MAST4: variants seen among roughly 807,000 people sequenced by gnomAD.
The protein encoded by MAST4 is microtubule associated serine/threonine kinase family member 4.
In MAST4, 89 loss-of-function variants were observed where a neutral mutation model predicts 162.7. The ratio of observed to expected loss-of-function variants is 0.55; its 90% confidence interval spans 0.46 to 0.65. The LOEUF (loss-of-function observed/expected upper bound fraction) is 0.65, where lower values mean the gene tolerates loss of function less well. MAST4 is among the 30% of genes least tolerant of loss of function. MAST4 has a pLI of 0.00. For missense variants in MAST4, 3,153 were observed against 3,374.0 expected, an observed-to-expected ratio of 0.93 and a Z score of 1.62; for synonymous variants, 1,479 against 1,361.1, an observed-to-expected ratio of 1.09 and a Z score of -1.91.
At chr5:66,781,246 C>A (rs1490210427) in intron 2 of MAST4, among the ~76,000 whole-genome samples, 1 of 152,178 alleles carries the variant, frequency 6.6e-6, no homozygotes, top group Non-Finnish European at 1.5e-5. Context: ...TTACTAGACA[C>A]AGGGAAGGTA....
At chr5:67,136,997 G>T (rs143836313) in intron 19 of MAST4, among the ~76,000 whole-genome samples, 1 of 152,196 alleles carries the variant, frequency 6.6e-6, no homozygotes, top group East Asian at 1.9e-4. Flanking sequence ...CGAAAAGCAT[G>T]CATCTTAAAT....
chr5:67,102,712 A>G (rs967006526), intron 9 of MAST4, 101 bp downstream of exon 9: 3 of 885,318 alleles, frequency 3.4e-6, no homozygotes, highest in East Asian at 2.4e-5. Flanking sequence ...GGTCCAATCT[A>G]GTAATGATTT....
At chr5:67,128,194 C>A (rs1162550430) in intron 14 of MAST4, among the ~76,000 whole-genome samples, 7 of 152,068 alleles carry the variant, frequency 4.6e-5, no homozygotes, top group Non-Finnish European at 1.0e-4. Flanking sequence ...TACTCATGTT[C>A]CTGTTTAAAT....
chr5:67,067,923 G>A (rs1345449545), intron 5 of MAST4, among the ~76,000 whole-genome samples: 1 of 152,056 alleles, frequency 6.6e-6, no homozygotes, highest in Admixed American at 6.6e-5. Flanking sequence ...TGAAGAATCG[G>A]TGTACACACA....
intron 1 of MAST4, among the ~76,000 whole-genome samples, chr5:66,633,178 T>C (rs1744896486): frequency 6.6e-6 from 1 of 152,220 alleles, no homozygotes; most frequent in Non-Finnish European, 1.5e-5. Context: ...CATTGCCCCT[T>C]TGCCCTTGTG....
At chr5:67,146,597 C>CT (rs988605199) in intron 23 of MAST4, among the ~76,000 whole-genome samples, 10 of 151,972 alleles carry the variant, frequency 6.6e-5, no homozygotes, top group East Asian at 1.9e-4. Flanking sequence ...ATAGTGTAAG[C>CT]TTTTTTTTAA....
At chr5:66,741,685 T>G (rs1057260730) in intron 1 of MAST4, among the ~76,000 whole-genome samples, 3 of 152,148 alleles carry the variant, frequency 2.0e-5, no homozygotes, top group African/African-American at 7.2e-5. Flanking sequence ...TAAAGGTGAC[T>G]GTAACCTTTA....
intron 1 of MAST4, among the ~76,000 whole-genome samples, chr5:66,674,619 C>G (rs1429140362): frequency 6.6e-6 from 1 of 152,106 alleles, no homozygotes; most frequent in Non-Finnish European, 1.5e-5. Context: ...GAATTGCATC[C>G]CAGTGTCCTG....
intron 4 of MAST4, among the ~76,000 whole-genome samples, chr5:67,048,193 A>T (rs987537908): frequency 6.6e-6 from 1 of 152,164 alleles, no homozygotes; most frequent in South Asian, 2.1e-4. Flanking sequence ...TAGATCTTTA[A>T]TGTTGCAAAG....
At chr5:67,125,371 TAG>T (rs1464545994) in intron 14 of MAST4, among the ~76,000 whole-genome samples, 4 of 152,040 alleles carry the variant, frequency 2.6e-5, no homozygotes, top group Admixed American at 1.3e-4. Context: ...TCATCTACAT[TAG>T]GTATTTCTCC....
chr5:66,862,459 A>G (rs115881578), intron 3 of MAST4, among the ~76,000 whole-genome samples: 1 of 152,218 alleles, frequency 6.6e-6, no homozygotes, highest in Non-Finnish European at 1.5e-5. Flanking sequence ...CTTATTGTCT[A>G]TGGTAAAATA....
chr5:66,965,846 G>A (rs1185189688), intron 4 of MAST4, among the ~76,000 whole-genome samples: 2 of 152,222 alleles, frequency 1.3e-5, no homozygotes, highest in East Asian at 3.9e-4. Flanking sequence ...AAGATGTTTT[G>A]AATAAGGAAA....
chr5:67,060,359 G>A lies in MAST4; in HGVS notation c.763+5867G>A, dbSNP rs568324578. Among the ~76,000 whole-genome samples, 3 of 152,212 alleles carry A rather than the reference G, an allele frequency of 2.0e-5. No individual in the cohort carries two copies. In the East Asian group the frequency reaches 5.8e-4, roughly 29 times the overall value. On this transcript the variant is annotated intron_variant, in intron 5 of 28. Coordinates refer to ENST00000403625, the MANE Select transcript of MAST4 (RefSeq NM_001164664.2). Reference sequence around the variant, plus strand: ...TTGAAAGTTAATAGTCTGGCAATAAGGTGGAGATAGGGAAAAATAAACAAG... The same window carrying A: ...TTGAAAGTTAATAGTCTGGCAATAAAGTGGAGATAGGGAAAAATAAACAAG...
At chr5:67,089,442 C>T (rs1322771296) in intron 5 of MAST4, among the ~76,000 whole-genome samples, 1 of 152,194 alleles carries the variant, frequency 6.6e-6, no homozygotes, top group East Asian at 1.9e-4. Context: ...GGAAGATGAG[C>T]TCTGCCAGCC....
intron 1 of MAST4, among the ~76,000 whole-genome samples, chr5:66,755,686 A>C (rs1361162912): frequency 6.6e-6 from 1 of 152,242 alleles, no homozygotes; most frequent in Non-Finnish European, 1.5e-5. Flanking sequence ...ATGTATATGC[A>C]TCATAATGTC....
intron 2 of MAST4, 59 bp from the exon 3 acceptor site, chr5:66,788,609 TTG>T: frequency 3.0e-6 from 1 of 338,536 alleles, no homozygotes; most frequent in Non-Finnish European, 5.2e-6. Context: ...CCCACCCCCA[TTG>T]CAATAAGACT....
At chr5:66,701,265 A>G (rs1233168293) in intron 1 of MAST4, among the ~76,000 whole-genome samples, 2 of 152,160 alleles carry the variant, frequency 1.3e-5, no homozygotes, top group Non-Finnish European at 2.9e-5. Context: ...TAAATCATAC[A>G]ACTTGCTTTT....
At chr5:67,049,008 CATATATATATAT>C (rs1309526315) in intron 4 of MAST4, among the ~76,000 whole-genome samples, 88 of 104,476 alleles carry the variant, frequency 8.4e-4, no homozygotes, top group African/African-American at 2.7e-3. Flanking sequence ...TATACACACA[CATATATATATAT>C]ACGTATATAT....
At chr5:66,710,124 G>T (rs749093512) in intron 1 of MAST4, among the ~76,000 whole-genome samples, 2 of 152,176 alleles carry the variant, frequency 1.3e-5, no homozygotes, top group African/African-American at 4.8e-5. Flanking sequence ...CCTACTGACA[G>T]TGCTGCAAGT....
Sources: gnomAD v4.1 joint callset for allele counts (sites outside exome capture counted in the v4.1 genomes callset) on GRCh38, gnomAD v4.1.1 for gene constraint, MANE v1.5 for transcripts, NCBI Gene and HGNC (gene_info 2026-07-23, HGNC 2026-07-21) for gene names.